Variants in MYRIP observed in about 807,000 individuals in gnomAD.
MYRIP encodes the protein rab effector MyRIP.
MYRIP carries 49 observed loss-of-function variants against 98.0 expected under a neutral mutation model. The observed-to-expected ratio is 0.50, with a 90% CI of 0.40 to 0.63. MYRIP has a LOEUF of 0.63. Ranked by LOEUF, MYRIP falls within the 30% of genes least tolerant of loss-of-function variation. The probability of loss-of-function intolerance (pLI) is 0.00; values close to 1 mark genes in which losing one functional copy is unlikely to be tolerated. For missense variants in MYRIP, 1,004 were observed against 1,058.2 expected (o/e 0.95, Z 0.71); for synonymous variants, 404 against 409.5 (o/e 0.99, Z 0.16).
chr3:39,985,034 A>C (rs1945997807), intron 2 of MYRIP, among the ~76,000 whole-genome samples: 1 of 140,300 alleles, frequency 7.1e-6, no homozygotes, highest in Non-Finnish European at 1.5e-5. Context: ...TCTTTTGAGA[A>C]GTGTCTGTTC....
intron 2 of MYRIP, among the ~76,000 whole-genome samples, chr3:39,910,764 CATT>C (rs1944002458): frequency 1.3e-5 from 2 of 152,156 alleles, no homozygotes; most frequent in South Asian, 4.1e-4. Flanking sequence ...ATATGGCTCA[CATT>C]ATATTTTTAT....
chr3:40,083,096 T>C (rs372168497), intron 3 of MYRIP, among the ~76,000 whole-genome samples: 1 of 152,330 alleles, frequency 6.6e-6, no homozygotes, highest in East Asian at 1.9e-4. Flanking sequence ...TCAACACCTA[T>C]TTAATGAGTG....
chr3:40,190,998 A>T lies in MYRIP; in HGVS notation c.1665+535A>T, dbSNP rs562362142. On this transcript the variant is annotated intron_variant, in intron 10 of 16. Transcript: ENST00000302541. Reference sequence around the variant, plus strand: ...AAAAGGTGTTCATGACAAGTGAAAGAGATGTTTATAAAGAGCTAAGCTCTG... The same window carrying T: ...AAAAGGTGTTCATGACAAGTGAAAGTGATGTTTATAAAGAGCTAAGCTCTG... 5.3e-5 allele frequency among the ~76,000 whole-genome samples: 8 copies of T among 152,342 alleles called. No individual in the cohort carries two copies. The South Asian group carries it at 1.7e-3, about 32-fold the overall frequency.
chr3:40,146,783 A>C (rs1308539965), intron 3 of MYRIP, among the ~76,000 whole-genome samples: 3 of 152,064 alleles, frequency 2.0e-5, no homozygotes, highest in African/African-American at 7.2e-5. Flanking sequence ...GTATGCACAC[A>C]CACACACCCC....
chr3:40,182,068 G>T, intron 8 of MYRIP, 152 bp from the exon 9 acceptor site: 1 of 807,484 alleles, frequency 1.2e-6, no homozygotes, highest in Non-Finnish European at 1.9e-6. Context: ...CTTATATACT[G>T]ATTTGCAGCT....
chr3:40,134,558 G>C (rs886851959), intron 3 of MYRIP, among the ~76,000 whole-genome samples: 3 of 152,246 alleles, frequency 2.0e-5, no homozygotes, highest in African/African-American at 7.2e-5. Flanking sequence ...CATGCAGCTT[G>C]AGATCTGAGA....
intron 3 of MYRIP, among the ~76,000 whole-genome samples, chr3:40,065,744 T>C (rs1477484423): frequency 6.6e-6 from 1 of 152,206 alleles, no homozygotes; most frequent in Non-Finnish European, 1.5e-5. Flanking sequence ...AGAAGAGGCA[T>C]GTGGCTCTGT....
At chr3:39,875,606 G>C (rs1486692370) in intron 1 of MYRIP, among the ~76,000 whole-genome samples, 1 of 151,406 alleles carries the variant, frequency 6.6e-6, no homozygotes, top group South Asian at 2.1e-4. Context: ...GTACCCAGTA[G>C]TCATTCAGGA....
At chr3:39,830,473 A>G (rs1308144349) in intron 1 of MYRIP, among the ~76,000 whole-genome samples, 3 of 152,208 alleles carry the variant, frequency 2.0e-5, no homozygotes, top group African/African-American at 7.2e-5. Context: ...CCTCGTCACC[A>G]TTCTCACTCT....
At chr3:40,154,259 CCTT>C (rs1950174336) in intron 4 of MYRIP, among the ~76,000 whole-genome samples, 1 of 152,174 alleles carries the variant, frequency 6.6e-6, no homozygotes. Flanking sequence ...GAACCTTTCT[CCTT>C]CTCCTGCAGC....
At chr3:39,958,097 A>C (rs550103248) in intron 2 of MYRIP, among the ~76,000 whole-genome samples, 180 of 152,366 alleles carry the variant, frequency 1.2e-3, no homozygotes, top group Non-Finnish European at 2.2e-3. Context: ...GAAAATGGCC[A>C]TACTGCCCAA....
intron 5 of MYRIP, among the ~76,000 whole-genome samples, chr3:40,165,386 T>C (rs1950480304): frequency 6.6e-6 from 1 of 152,250 alleles, no homozygotes; most frequent in Non-Finnish European, 1.5e-5. Context: ...AAGCTTGAAT[T>C]ATTTTTTAAT....
chr3:40,068,842 G>T (rs181338640), intron 3 of MYRIP, among the ~76,000 whole-genome samples: 2 of 152,272 alleles, frequency 1.3e-5, no homozygotes, highest in Admixed American at 1.3e-4. Flanking sequence ...GGCTTGTATT[G>T]ACAGTTGCAG....
chr3:39,874,640 C>A (rs1046506786), intron 1 of MYRIP, among the ~76,000 whole-genome samples: 6 of 152,092 alleles, frequency 3.9e-5, no homozygotes, highest in African/African-American at 2.4e-5. Flanking sequence ...TGCTGGATTA[C>A]ATTTATTGAT....
At chr3:40,002,193 C>G (rs1461588805) in intron 2 of MYRIP, among the ~76,000 whole-genome samples, 2 of 152,174 alleles carry the variant, frequency 1.3e-5, no homozygotes, top group Non-Finnish European at 2.9e-5. Context: ...GGAATTAACT[C>G]ATGATGTAGA....
intron 3 of MYRIP, among the ~76,000 whole-genome samples, chr3:40,074,366 C>T (rs1948296542): frequency 6.6e-6 from 1 of 151,944 alleles, no homozygotes; most frequent in Non-Finnish European, 1.5e-5. Flanking sequence ...GACAGAAACT[C>T]CTACCTATGC....
At chr3:39,825,453 A>G (rs1204881000) in intron 1 of MYRIP, among the ~76,000 whole-genome samples, 1 of 152,154 alleles carries the variant, frequency 6.6e-6, no homozygotes, top group Non-Finnish European at 1.5e-5. Context: ...AGATAATCAT[A>G]TATTATAGTT....
chr3:40,088,956 G>A (rs1948686188), intron 3 of MYRIP, among the ~76,000 whole-genome samples: 1 of 151,900 alleles, frequency 6.6e-6, no homozygotes, highest in African/African-American at 2.4e-5. Context: ...CCAGAGGAAT[G>A]GTAAGACACA....
chr3:39,876,024 C>T (rs1942982605), intron 1 of MYRIP, among the ~76,000 whole-genome samples: 1 of 151,996 alleles, frequency 6.6e-6, no homozygotes, highest in African/African-American at 2.4e-5. Flanking sequence ...TCTGGGTGCT[C>T]CTGTATTGGG....
Sources: allele counts gnomAD v4.1 joint callset (sites outside exome capture counted in the v4.1 genomes callset), GRCh38; gene constraint gnomAD v4.1.1; transcripts MANE v1.5; gene names NCBI Gene and HGNC (gene_info 2026-07-23, HGNC 2026-07-21).